The following GXYLT2 variants were observed in gnomAD, a reference collection of about 807,000 sequenced individuals.
GXYLT2 encodes the protein glycosyltransferase 8 domain containing 4.
Under a neutral mutation model 45.8 loss-of-function variants are expected in GXYLT2, and 53 were observed. The observed-to-expected ratio is 1.16, with a 90% confidence interval of 0.93 to 1.46. The LOEUF (loss-of-function observed/expected upper bound fraction) is 1.46. GXYLT2 is among the 40% of genes most tolerant of loss of function. The pLI is 0.00. For synonymous variants in GXYLT2, 219 were observed against 214.2 expected (o/e 1.02, Z -0.19); for missense variants, 551 against 544.4 (o/e 1.01, Z -0.12).
At chr3:72,906,051 C>T (rs1455501821) in intron 1 of GXYLT2, among the ~76,000 whole-genome samples, 3 of 152,140 alleles carry the variant, frequency 2.0e-5, no homozygotes, top group Non-Finnish European at 4.4e-5. Context: ...AAATATTGGG[C>T]ATAATTTTTC....
intron 3 of GXYLT2, among the ~76,000 whole-genome samples, chr3:72,936,363 A>G (rs181608014): frequency 2.0e-5 from 3 of 151,768 alleles, no homozygotes; most frequent in South Asian, 4.2e-4. Flanking sequence ...TTTAATAAAC[A>G]TAGAAAACTG....
At chr3:72,964,830 T>C (rs145062368) in intron 5 of GXYLT2, among the ~76,000 whole-genome samples, 90 of 152,314 alleles carry the variant, frequency 5.9e-4, no homozygotes, top group African/African-American at 2.1e-3. Flanking sequence ...CTGGAAACTT[T>C]AGAAGGTGCT....
At chr3:72,918,372 T>C (rs1243106786) in intron 2 of GXYLT2, among the ~76,000 whole-genome samples, 1 of 152,214 alleles carries the variant, frequency 6.6e-6, no homozygotes, top group Non-Finnish European at 1.5e-5. Flanking sequence ...ACTCTGGAGC[T>C]TACTTAACCA....
At chr3:72,888,549 G>T in intron 1 of GXYLT2, 41 bp downstream of exon 1, 1 of 1,169,150 alleles carries the variant, frequency 8.6e-7, no homozygotes, top group Non-Finnish European at 1.1e-6. Flanking sequence ...GCGGACCCGT[G>T]TCTCGCTCCC....
intron 2 of GXYLT2, among the ~76,000 whole-genome samples, chr3:72,915,783 A>T (rs1455746451): frequency 6.6e-6 from 1 of 152,018 alleles, no homozygotes; most frequent in Admixed American, 6.6e-5. Flanking sequence ...CAGTGAGCCA[A>T]GATCGCGCCA....
Position 72,911,977 on chromosome 3 carries a change from ATGTG to A in GXYLT2, c.468+3432_468+3435del, listed in dbSNP as rs199508166. On this transcript the variant is annotated intron_variant, in intron 2 of 6. Transcript: ENST00000389617. ...GTTGGGTGTGTGTGTGTGTGTGTGC[ATGTG>A]TGTGTGTGTGTGTATATATATATAT... Among the ~76,000 whole-genome samples, 5 of 129,444 alleles carry A rather than the reference ATGTG, an allele frequency of 3.9e-5. No individual in the cohort carries two copies. In the South Asian group the frequency reaches 7.0e-4, roughly 18 times the overall value. 84.9% of individuals were successfully genotyped at this position (129,444 alleles called of 152,430 possible).
rs55680713 is a variant in GXYLT2 at position 72,959,106 on chromosome 3, CTTTTTTTTTTTTTTTT to C, written c.976+1768_976+1783del. Among the ~76,000 whole-genome samples, 9 of 60,000 alleles carry C rather than the reference CTTTTTTTTTTTTTTTT, an allele frequency of 1.5e-4. No homozygotes were observed. The South Asian group carries it at 4.7e-3, about 31-fold the overall frequency. The allele number at this position is 60,000 out of a possible 152,430, so 39.4% of individuals were successfully genotyped here. A position where few individuals can be genotyped will look rare whatever the true frequency, so the allele number is the denominator to read the frequency against. On this transcript the variant is annotated intron_variant, in intron 5 of 6. Transcript: ENST00000389617. ...TATAGGTGTGCATCACCACACCCAG[CTTTTTTTTTTTTTTTT>C]TTTTTTTTTTTTTGAGAGGGAGTCT...
chr3:72,938,604 A>G (rs1183877749), intron 3 of GXYLT2, among the ~76,000 whole-genome samples: 1 of 152,204 alleles, frequency 6.6e-6, no homozygotes, highest in Non-Finnish European at 1.5e-5. Flanking sequence ...CAACAAGGAA[A>G]GATACTGTGT....
At chr3:72,969,224 A>AC (rs1710937432) in intron 6 of GXYLT2, among the ~76,000 whole-genome samples, 1 of 149,964 alleles carries the variant, frequency 6.7e-6, no homozygotes, top group Non-Finnish European at 1.5e-5. Context: ...ACATAGTAAG[A>AC]CCCCATCTGT....
At chr3:72,923,110 C>T (rs1709858176) in intron 3 of GXYLT2, among the ~76,000 whole-genome samples, 1 of 152,074 alleles carries the variant, frequency 6.6e-6, no homozygotes, top group Non-Finnish European at 1.5e-5. Context: ...CAAAAATTAG[C>T]CAGGCTTGGT....
At chr3:72,932,623 C>A (rs1710061987) in intron 3 of GXYLT2, among the ~76,000 whole-genome samples, 1 of 152,172 alleles carries the variant, frequency 6.6e-6, no homozygotes, top group Non-Finnish European at 1.5e-5. Context: ...GAGAGTGGCT[C>A]TTGTCAGGAG....
intron 2 of GXYLT2, among the ~76,000 whole-genome samples, chr3:72,911,392 G>A (rs1199867445): frequency 6.6e-6 from 1 of 152,192 alleles, no homozygotes; most frequent in Admixed American, 6.5e-5. Flanking sequence ...CCCACCTTCT[G>A]TTATTCTCAT....
intron 1 of GXYLT2, among the ~76,000 whole-genome samples, chr3:72,906,337 C>A (rs539873136): frequency 3.3e-5 from 5 of 152,102 alleles, no homozygotes; most frequent in Non-Finnish European, 7.4e-5. Flanking sequence ...ACATGGCTCG[C>A]TACCTCCCCT....
At chr3:72,933,612 T>C (rs926620174) in intron 3 of GXYLT2, among the ~76,000 whole-genome samples, 21 of 152,152 alleles carry the variant, frequency 1.4e-4, no homozygotes, top group African/African-American at 4.8e-4. Context: ...GAGAATTTGA[T>C]TGAAAGGATG....
chr3:72,932,988 C>G (rs763114773), intron 3 of GXYLT2, among the ~76,000 whole-genome samples: 5 of 152,184 alleles, frequency 3.3e-5, no homozygotes, highest in African/African-American at 4.8e-5. Context: ...ATTTACTCAT[C>G]TGTAAAAAGA....
Position 72,936,947 on chromosome 3 carries a change from A to C in GXYLT2, c.600+14612A>C, listed in dbSNP as rs144090258. Among the ~76,000 whole-genome samples the C allele has an allele frequency of 2.4e-3, 367 of 152,332 alleles. 2 individuals carry two copies. Among genetic ancestry groups the C allele is most frequent in the Middle Eastern group, 3.4e-3 (1 of 294 alleles). On this transcript the variant is annotated intron_variant, in intron 3 of 6. Transcript: ENST00000389617. ...AATAGATAAGGTATATTATTTAGAC[A>C]CACAGAGGTATATACCTACAGAATC... is the stretch of plus-strand genomic sequence containing the variant.
At chr3:72,910,268 A>G (rs564538055) in intron 2 of GXYLT2, among the ~76,000 whole-genome samples, 1 of 152,312 alleles carries the variant, frequency 6.6e-6, no homozygotes, top group South Asian at 2.1e-4. Flanking sequence ...CATTGAGCTT[A>G]GAGAATTTTA....
intron 2 of GXYLT2, among the ~76,000 whole-genome samples, chr3:72,921,791 T>C (rs189408024): frequency 2.3e-4 from 35 of 152,314 alleles, no homozygotes; most frequent in African/African-American, 7.5e-4. Context: ...AATTCCTTAT[T>C]ATTGGACATT....
intron 3 of GXYLT2, among the ~76,000 whole-genome samples, chr3:72,932,070 CT>C (rs796800391): frequency 0.039 from 5,548 of 143,486 alleles, 337 homozygotes; most frequent in African/African-American, 0.13. Flanking sequence ...TGTCTTTTAA[CT>C]TTTTTTTTTT....
Sources: gnomAD v4.1 joint callset for allele counts (sites outside exome capture counted in the v4.1 genomes callset) on GRCh38, gnomAD v4.1.1 for gene constraint, MANE v1.5 for transcripts, NCBI Gene and HGNC (gene_info 2026-07-23, HGNC 2026-07-21) for gene names.